IQCJ: variants seen among roughly 807,000 people sequenced by gnomAD.
IQCJ encodes the protein IQ domain-containing protein J.
IQCJ carries 9 observed loss-of-function variants against 11.0 expected under a neutral mutation model. The observed-to-expected ratio is 0.82, with a 90% CI of 0.49 to 1.43. The LOEUF (loss-of-function observed/expected upper bound fraction) is 1.43. Among genes scored for constraint, IQCJ ranks in the 40% most tolerant of loss-of-function variants. IQCJ has a pLI of 0.00. For synonymous variants in IQCJ, 55 were observed against 51.3 expected, an observed-to-expected ratio of 1.07 and a Z score of -0.31; for missense variants, 146 against 133.2, an observed-to-expected ratio of 1.10 and a Z score of -0.47.
At chr3:159,151,229 G>A (rs937793069) in intron 1 of IQCJ, among the ~76,000 whole-genome samples, 1 of 152,166 alleles carries the variant, frequency 6.6e-6, no homozygotes, top group Non-Finnish European at 1.5e-5. Flanking sequence ...AATAATCTTA[G>A]CCTGGTGGCG....
intron 1 of IQCJ, among the ~76,000 whole-genome samples, chr3:159,095,364 T>C (rs953418565): frequency 1.3e-5 from 2 of 151,414 alleles, no homozygotes; most frequent in Non-Finnish European, 2.9e-5. Flanking sequence ...TTTTATTTTA[T>C]TTTATTTTTT....
intron 1 of IQCJ, among the ~76,000 whole-genome samples, chr3:159,228,375 A>C (rs1235647093): frequency 6.6e-6 from 1 of 152,230 alleles, no homozygotes; most frequent in East Asian, 1.9e-4. Flanking sequence ...TTGTTCGCCT[A>C]CTTGTTATGA....
intron 1 of IQCJ, among the ~76,000 whole-genome samples, chr3:159,232,695 TC>T (rs1726334534): frequency 6.6e-6 from 1 of 152,158 alleles, no homozygotes; most frequent in Non-Finnish European, 1.5e-5. Context: ...GAATGTATAT[TC>T]TGTTGATTTG....
chr3:159,124,320 C>A (rs1719548993), intron 1 of IQCJ, among the ~76,000 whole-genome samples: 1 of 152,194 alleles, frequency 6.6e-6, no homozygotes, highest in Non-Finnish European at 1.5e-5. Flanking sequence ...ACAGTAATGT[C>A]TTTCAAACCA....
At chr3:159,137,363 C>A (rs924939334) in intron 1 of IQCJ, among the ~76,000 whole-genome samples, 16 of 151,978 alleles carry the variant, frequency 1.1e-4, no homozygotes, top group African/African-American at 3.9e-4. Flanking sequence ...ATTCATGTGA[C>A]CTTCACACTT....
At chr3:159,173,417 C>T (rs1245065698) in intron 1 of IQCJ, among the ~76,000 whole-genome samples, 5 of 152,072 alleles carry the variant, frequency 3.3e-5, no homozygotes, top group South Asian at 2.1e-4. Flanking sequence ...TTAGTAGAAA[C>T]GTGTTGATTT....
chr3:159,084,642 C>T (rs892950899), intron 1 of IQCJ, among the ~76,000 whole-genome samples: 2 of 152,092 alleles, frequency 1.3e-5, no homozygotes, highest in Non-Finnish European at 2.9e-5. Flanking sequence ...TTGCCAGGGT[C>T]ACACAGCTGG....
intron 1 of IQCJ, among the ~76,000 whole-genome samples, chr3:159,095,357 T>G (rs1717657501): frequency 6.6e-6 from 1 of 151,550 alleles, no homozygotes; most frequent in African/African-American, 2.4e-5. Flanking sequence ...AAATTTATTT[T>G]ATTTTATTTT....
chr3:159,143,365 T>C (rs2108186055), intron 1 of IQCJ, among the ~76,000 whole-genome samples: 1 of 152,352 alleles, frequency 6.6e-6, no homozygotes, highest in South Asian at 2.1e-4. Context: ...AACCTCTCAA[T>C]AGTTCCTTAC....
intron 1 of IQCJ, among the ~76,000 whole-genome samples, chr3:159,158,231 G>A (rs910632826): frequency 2.0e-5 from 3 of 152,140 alleles, no homozygotes; most frequent in Non-Finnish European, 4.4e-5. Context: ...TCCCTTACAA[G>A]CAGCAGTTCT....
At chr3:159,225,864 G>C (rs1384576094) in intron 1 of IQCJ, among the ~76,000 whole-genome samples, 2 of 152,144 alleles carry the variant, frequency 1.3e-5, no homozygotes, top group African/African-American at 4.8e-5. Context: ...CTATACTTCT[G>C]CCTGACCAGC....
intron 1 of IQCJ, among the ~76,000 whole-genome samples, chr3:159,121,825 A>G (rs1334694880): frequency 6.6e-6 from 1 of 152,244 alleles, no homozygotes; most frequent in African/African-American, 2.4e-5. Flanking sequence ...TCTGACTTCC[A>G]TATTCTGGAT....
At chr3:159,230,336 G>A (rs1029127816) in intron 1 of IQCJ, among the ~76,000 whole-genome samples, 1 of 152,120 alleles carries the variant, frequency 6.6e-6, no homozygotes, top group Non-Finnish European at 1.5e-5. Flanking sequence ...ATTGTGAATA[G>A]CATGGCAATG....
chr3:159,135,924 T>C (rs1330538623), intron 1 of IQCJ, among the ~76,000 whole-genome samples: 1 of 152,206 alleles, frequency 6.6e-6, no homozygotes, highest in African/African-American at 2.4e-5. Flanking sequence ...CTTAATATGT[T>C]AAAGCTACTA....
chr3:159,112,798 C>A (rs879390843), intron 1 of IQCJ, among the ~76,000 whole-genome samples: 7 of 152,044 alleles, frequency 4.6e-5, no homozygotes, highest in Non-Finnish European at 1.0e-4. Flanking sequence ...TTAATGTAGC[C>A]CAGATTACTA....
intron 1 of IQCJ, among the ~76,000 whole-genome samples, chr3:159,214,562 C>T (rs1725121248): frequency 6.6e-6 from 1 of 152,206 alleles, no homozygotes; most frequent in South Asian, 2.1e-4. Context: ...CCCTGTCTTT[C>T]AATGACTCAA....
intron 1 of IQCJ, among the ~76,000 whole-genome samples, chr3:159,165,109 A>G (rs1266214130): frequency 1.3e-5 from 2 of 152,246 alleles, no homozygotes; most frequent in Non-Finnish European, 2.9e-5. Flanking sequence ...ACTGCTATGA[A>G]AGAAAGGTGA....
Position 159,120,932 on chromosome 3 carries a change from A to AT in IQCJ, c.9+51501dup, listed in dbSNP as rs548624642. Among the ~76,000 whole-genome samples the AT allele has an allele frequency of 9.6e-3, 1,425 of 149,162 alleles. 10 individuals are homozygous for AT. The highest frequency in any genetic ancestry group is 0.023 in the African/African-American group (956 of 40,722). ...CCAGATGGCTGCTCTTTCTCCAGAC[A>AT]TTTTTTTTTTCAAATAAGATGAAGG... On this transcript the variant is annotated intron_variant, in intron 1 of 3. Transcript: ENST00000397832.
Position 159,163,133 on chromosome 3 carries a change from G to T in IQCJ, c.10-82710G>T, listed in dbSNP as rs376196956. On this transcript the variant is annotated intron_variant, in intron 1 of 3. Transcript: ENST00000397832. ...GAGACACAACCAAAAAAGAGAATTT[G>T]AGACCAATATCCTTGATGAACATTG... 3.0e-4 allele frequency among the ~76,000 whole-genome samples: 45 copies of T among 152,286 alleles called. No homozygotes were observed. In the South Asian group the frequency reaches 5.8e-3, roughly 20 times the overall value.
Sources: allele counts gnomAD v4.1 joint callset (sites outside exome capture counted in the v4.1 genomes callset), GRCh38; gene constraint gnomAD v4.1.1; transcripts MANE v1.5; gene names NCBI Gene and HGNC (gene_info 2026-07-23, HGNC 2026-07-21).